Variants in RIOK2 observed in about 807,000 individuals in gnomAD.
RIOK2 encodes the protein RIO kinase 2, also known as serine/threonine-protein kinase RIO2.
RIOK2 carries 46 observed loss-of-function variants against 62.4 expected under a neutral mutation model. That is an observed-to-expected ratio of 0.74 (90% CI 0.58 to 0.94). The LOEUF (loss-of-function observed/expected upper bound fraction) is 0.94, where lower values mean the gene tolerates loss of function less well. Among genes scored for constraint, RIOK2 ranks in the 40% least tolerant of loss-of-function variants. The probability of loss-of-function intolerance (pLI) is 0.00; values close to 1 mark genes in which losing one functional copy is unlikely to be tolerated. For missense variants in RIOK2, 574 were observed against 658.0 expected (o/e 0.87, Z 1.40); for synonymous variants, 197 against 216.0 (o/e 0.91, Z 0.77).
chr5:97,166,816 A>G, intron 8 of RIOK2: 1 of 978,976 alleles, frequency 1.0e-6, no homozygotes, highest in Non-Finnish European at 1.2e-6. Context: ...AACACACATC[A>G]GATGTGTAAT....
At chr5:97,180,037 T>TAA (rs1491356019) in intron 1 of RIOK2, among the ~76,000 whole-genome samples, 8 of 63,484 alleles carry the variant, frequency 1.3e-4, no homozygotes, top group African/African-American at 3.9e-4. Context: ...AATATATATA[T>TAA]TATATATATA....
Position 97,177,216 on chromosome 5 carries a change from C to G in RIOK2, c.398G>C (p.Arg133Pro). 1 of 1,613,600 alleles carries G rather than the reference C, an allele frequency of 6.2e-7. No individual in the cohort carries two copies. The highest frequency in any genetic ancestry group is 8.5e-7 in the Non-Finnish European group (1 of 1,179,784). The change falls in exon 4 of 10, where the codon CGA (arginine) becomes CCA (proline). Residue 133 changes from arginine to proline, a missense_variant. Transcript: ENST00000283109. ...ATAATCGCGTTTGTTTTTCAAATTTCGAAACGAGGTTCTTCCTAGTCTGTG... is the reference window on the plus strand; with the variant it reads ...ATAATCGCGTTTGTTTTTCAAATTTGGAAACGAGGTTCTTCCTAGTCTGTG... ...KLHRLGRTSF[R>P]NLKNKRDYHK...
At position 97,177,613 on chromosome 5, in the gene RIOK2, C is replaced by T. The variant is rs116225730; in HGVS notation, c.322+119G>A. The T allele has an allele frequency of 2.0e-4, 136 of 678,750 alleles. No homozygotes were observed. In the African/African-American group the frequency reaches 2.4e-3, roughly 12 times the overall value. The allele number at this position is 678,750 out of a possible 1,614,324, so 42.0% of individuals were successfully genotyped here. A position where few individuals can be genotyped will look rare whatever the true frequency, so the allele number is the denominator to read the frequency against. ...CCTTCTGATTTGTACTGCTTCCAAT[C>T]AACTTTCCAACTTACTGTTTAGTTA... is the stretch of plus-strand genomic sequence containing the variant. On this transcript the variant is annotated intron_variant, in intron 3 of 9. Transcript: ENST00000283109.
At chr5:97,164,084 G>A (rs1431107435) in intron 9 of RIOK2, among the ~76,000 whole-genome samples, 1 of 152,078 alleles carries the variant, frequency 6.6e-6, no homozygotes, top group African/African-American at 2.4e-5. Context: ...GTAGACAGGG[G>A]TCTTGCTATG....
Position 97,167,933 on chromosome 5 carries a change from C to T in RIOK2, c.931G>A (p.Ala311Thr). 1 of 1,608,214 alleles carries T rather than the reference C, an allele frequency of 6.2e-7. No homozygotes were observed. The highest frequency in any genetic ancestry group is 1.1e-5 in the South Asian group (1 of 91,068). ...AATGGATGAAGCAGTTCATCATCTGCCTGCATTTCCTTTGTGTAGCCACTG... is the reference window on the plus strand; with the variant it reads ...AATGGATGAAGCAGTTCATCATCTGTCTGCATTTCCTTTGTGTAGCCACTG... The part of the protein sequence containing the change: ...SASGYTKEMQ[A>T]DDELLHPLGP... Residue 311 changes from alanine (A) to threonine (T), a missense_variant, in exon 8 of 10, where the codon GCA becomes ACA. By Grantham distance (58) the Ala-to-Thr change is moderately conservative. Coordinates refer to ENST00000283109, the MANE Select transcript of RIOK2 (RefSeq NM_018343.3).
At position 97,173,238 on chromosome 5, in the gene RIOK2, A is replaced by G; in HGVS notation, c.524T>C (p.Val175Ala). The change falls in exon 5 of 10, where the codon GTT becomes GCT. Residue 175 changes from valine to alanine, a missense_variant. Transcript: ENST00000283109. Reference protein sequence around the residue: ...MKALYERKFPVPKPIDYNRHA... With the variant: ...MKALYERKFPAPKPIDYNRHA... Reference sequence around the variant, plus strand: ...ACGATTGTAATCAATTGGCTTTGGAACTGGAAATTTCCTCTCATACAATGC... The same window carrying G: ...ACGATTGTAATCAATTGGCTTTGGAGCTGGAAATTTCCTCTCATACAATGC... 1 of 1,613,292 alleles carries G rather than the reference A, an allele frequency of 6.2e-7. No homozygotes were observed. The highest frequency in any genetic ancestry group is 1.3e-5 in the African/African-American group (1 of 75,038).
In RIOK2 at chr5:97,179,210, C is replaced by A; in HGVS notation, c.67-17G>T. The A allele has an allele frequency of 6.2e-7, 1 of 1,609,670 alleles. No individual in the cohort carries two copies. The highest frequency in any genetic ancestry group is 8.5e-7 in the Non-Finnish European group (1 of 1,179,018). ...CATTTCAACCTGAAATTAAAGGAAT[C>A]ATTATATAATCATAATCAACACAAA... On this transcript the variant is annotated splice_polypyrimidine_tract_variant and intron_variant, in intron 1 of 9. Coordinates refer to ENST00000283109, the MANE Select transcript of RIOK2 (RefSeq NM_018343.3).
chr5:97,171,732 G>C (rs528504053), intron 5 of RIOK2, among the ~76,000 whole-genome samples: 2 of 152,160 alleles, frequency 1.3e-5, no homozygotes, highest in Admixed American at 1.3e-4. Context: ...AAACCAGTGA[G>C]TGACCTAAAT....
At chr5:97,180,124 A>ATGTGCATATATATATATG (rs202016921) in intron 1 of RIOK2, among the ~76,000 whole-genome samples, 1 of 39,006 alleles carries the variant, frequency 2.6e-5, no homozygotes. Flanking sequence ...GCATGTGTAT[A>ATGTGCATATATATATATG]TGTATATATA....
At chr5:97,172,679 C>CA (rs1749046272) in intron 5 of RIOK2, among the ~76,000 whole-genome samples, 1 of 152,146 alleles carries the variant, frequency 6.6e-6, no homozygotes, top group African/African-American at 2.4e-5. Context: ...AAAATACTCC[C>CA]ACTCCAATAG....
chr5:97,168,049 C>T, intron 7 of RIOK2, 58 bp from the exon 8 acceptor site: 1 of 1,454,426 alleles, frequency 6.9e-7, no homozygotes. Context: ...CTAAGAGGAG[C>T]AAATATCTAC....
chr5:97,182,743 A>G (rs960041604), intron 1 of RIOK2: 2 of 227,710 alleles, frequency 8.8e-6, no homozygotes. Context: ...TATGCGACTG[A>G]GTCTGTTAGT....
chr5:97,176,986 G>T, intron 4 of RIOK2, 130 bp downstream of exon 4: 2 of 747,860 alleles, frequency 2.7e-6, no homozygotes, highest in African/African-American at 1.8e-5. Flanking sequence ...TTAAGATTGA[G>T]TCTGTCTGTA....
At chr5:97,170,789 T>C (rs1748982040) in intron 6 of RIOK2, among the ~76,000 whole-genome samples, 1 of 152,124 alleles carries the variant, frequency 6.6e-6, no homozygotes. Flanking sequence ...TAAATAATAG[T>C]ATCACAAAAT....
intron 1 of RIOK2, among the ~76,000 whole-genome samples, chr5:97,180,887 A>T (rs1048820880): frequency 6.7e-6 from 1 of 149,472 alleles, no homozygotes; most frequent in African/African-American, 2.5e-5. Flanking sequence ...AGATTTTATT[A>T]TTTTTTTTTT....
Position 97,168,005 on chromosome 5 carries a change from G to T in RIOK2, c.873-14C>A. The T allele has an allele frequency of 1.3e-6, 2 of 1,568,290 alleles. No individual in the cohort carries two copies. The highest frequency in any genetic ancestry group is 1.7e-6 in the Non-Finnish European group (2 of 1,167,222). ...GTGTCTTCTCTCCTAGAAAAAAAAG[G>T]CGTCAAGCATAGAAAGAGAGAAAAA... On this transcript the variant is annotated splice_polypyrimidine_tract_variant and intron_variant, in intron 7 of 9. Transcript: ENST00000283109.
At chr5:97,168,086 A>G in intron 7 of RIOK2, 95 bp from the exon 8 acceptor site, 1 of 1,252,580 alleles carries the variant, frequency 8.0e-7, no homozygotes, top group Non-Finnish European at 1.1e-6. Flanking sequence ...GATTCAAGTG[A>G]GTTTAATAGC....
At chr5:97,167,414 C>A in intron 8 of RIOK2, 53 bp downstream of exon 8, 1 of 1,559,448 alleles carries the variant, frequency 6.4e-7, no homozygotes. Flanking sequence ...TAGAATCTAA[C>A]AAAGTATCAG....
rs59997106 is a variant in RIOK2, at chr5:97,179,977, A to ATAAT, written c.67-785_67-784insATTA. 5.7e-4 allele frequency among the ~76,000 whole-genome samples: 27 copies of ATAAT among 47,358 alleles called. 2 individuals are homozygous for ATAAT. In the East Asian group the frequency reaches 0.013, roughly 23 times the overall value. 31.1% of individuals were successfully genotyped at this position (47,358 alleles called of 152,430 possible). A position where few individuals can be genotyped will look rare whatever the true frequency, so the allele number is the denominator to read the frequency against. On this transcript the variant is annotated intron_variant, in intron 1 of 9. Transcript: ENST00000283109. ...TTAAAAGTATTTTATATATATATAT[A>ATAAT]ATATATATATATAAAATATATATAT...
Sources: allele counts gnomAD v4.1 joint callset (sites outside exome capture counted in the v4.1 genomes callset), GRCh38; gene constraint gnomAD v4.1.1; transcripts MANE v1.5; gene names NCBI Gene and HGNC (gene_info 2026-07-23, HGNC 2026-07-21).